Variants in COL27A1 observed in about 807,000 individuals in gnomAD.
COL27A1 encodes collagen type XXVII alpha 1 chain, also known as collagen alpha-1(XXVII) chain.
A neutral mutation model predicts 251.3 loss-of-function variants in COL27A1; 106 were observed. The observed-to-expected ratio is 0.42, with a 90% confidence interval of 0.36 to 0.50. The LOEUF (loss-of-function observed/expected upper bound fraction) is 0.50. Ranked by LOEUF, COL27A1 falls within the 20% of genes least tolerant of loss-of-function variation. The probability of loss-of-function intolerance (pLI) is 0.00; values close to 1 mark genes in which losing one functional copy is unlikely to be tolerated. For missense variants in COL27A1, 2,325 were observed against 2,522.8 expected, an observed-to-expected ratio of 0.92 and a Z score of 1.68; for synonymous variants, 1,000 against 986.3, an observed-to-expected ratio of 1.01 and a Z score of -0.26.
At chr9:114,300,510 AG>A (rs1315817565) in intron 50 of COL27A1, 114 bp from the exon 51 acceptor site, 20 of 739,694 alleles carry the variant, frequency 2.7e-5, no homozygotes, top group South Asian at 2.1e-4. Flanking sequence ...CTCTCAGGTA[AG>A]GCCTCTCTTG....
chr9:114,255,927 A>G (rs1833889878), intron 27 of COL27A1, among the ~76,000 whole-genome samples: 1 of 152,174 alleles, frequency 6.6e-6, no homozygotes, highest in African/African-American at 2.4e-5. Flanking sequence ...CCCCATCTGT[A>G]AGTCAGCATG....
intron 59 of COL27A1, among the ~76,000 whole-genome samples, chr9:114,308,305 T>G (rs1485382795): frequency 1.3e-5 from 2 of 152,216 alleles, no homozygotes; most frequent in African/African-American, 4.8e-5. Flanking sequence ...CAGTGGATTG[T>G]GGGTCTGTAG....
At chr9:114,281,655 T>C (rs1393338194) in intron 37 of COL27A1, among the ~76,000 whole-genome samples, 1 of 152,158 alleles carries the variant, frequency 6.6e-6, no homozygotes, top group African/African-American at 2.4e-5. Context: ...ATCTCAGAGA[T>C]AGGGAAGAAC....
intron 3 of COL27A1, among the ~76,000 whole-genome samples, chr9:114,174,412 G>A (rs946587895): frequency 5.3e-5 from 8 of 152,160 alleles, no homozygotes; most frequent in Admixed American, 2.0e-4. Context: ...TTGAGCAGGG[G>A]TCTCCTCACA....
chr9:114,231,171 A>C (rs1407598674), intron 15 of COL27A1, 39 bp downstream of exon 15: 3 of 1,597,446 alleles, frequency 1.9e-6, no homozygotes, highest in Non-Finnish European at 2.6e-6. Context: ...GCCTTGTCCA[A>C]GCTGGGCACC....
chr9:114,155,981 G>C lies in COL27A1; in HGVS notation c.31G>C (p.Gly11Arg). The change falls in exon 1 of 61, where the codon GGC becomes CGC. Residue 11 changes from glycine (G) to arginine (R), a missense_variant. Gly to Arg is a moderately radical substitution (Grantham distance 125, BLOSUM62 -2). This residue lies in a region of COL27A1 where 1,183 missense variants were observed against 1,144.1 expected (regional missense o/e 1.03). Transcript: ENST00000356083. This position sits in a 1 kb window ranked among gnomAD's most constrained non-coding sequence, Gnocchi z 5.5. MGAGSARGAR[G>R]TAAAAAARGG... is the part of the protein sequence containing the mutation. ...AGCGGGATCGGCGCGGGGGGCCCGA[G>C]GCACAGCGGCGGCGGCGGCGGCGCG... 1 of 1,294,720 alleles carries C rather than the reference G, an allele frequency of 7.7e-7. No individual in the cohort carries two copies. 80.2% of individuals were successfully genotyped at this position (1,294,720 alleles called of 1,614,324 possible).
intron 12 of COL27A1, among the ~76,000 whole-genome samples, chr9:114,211,481 T>C (rs1008039293): frequency 2.6e-5 from 4 of 152,254 alleles, no homozygotes; most frequent in African/African-American, 9.6e-5. Flanking sequence ...ATGGGGTTTA[T>C]GGGCAGTGCC....
At chr9:114,308,628 G>A (rs1249759) in intron 59 of COL27A1, among the ~76,000 whole-genome samples, 17,023 of 152,218 alleles carry the variant, frequency 0.11, 1,336 homozygotes, top group East Asian at 0.3. Flanking sequence ...CTGGTGACTC[G>A]AAGGTTTTGG....
chr9:114,249,658 C>T (rs552966801), intron 24 of COL27A1, among the ~76,000 whole-genome samples: 14 of 152,316 alleles, frequency 9.2e-5, no homozygotes, highest in East Asian at 5.8e-4. Flanking sequence ...CTGGGCCGGC[C>T]TTATTGACTG....
At chr9:114,293,585 T>G (rs1828065336) in intron 49 of COL27A1, among the ~76,000 whole-genome samples, 1 of 150,626 alleles carries the variant, frequency 6.6e-6, no homozygotes, top group South Asian at 2.1e-4. Flanking sequence ...AGTTAGCTTT[T>G]TGAGATCTGT....
intron 16 of COL27A1, among the ~76,000 whole-genome samples, chr9:114,233,564 G>A (rs553547970): frequency 3.9e-5 from 6 of 152,294 alleles, no homozygotes; most frequent in East Asian, 1.9e-4. Flanking sequence ...AGACATCAGC[G>A]CTCTGGAAAT....
chr9:114,236,942 C>T (rs375463273), intron 17 of COL27A1, 39 bp from the exon 18 acceptor site: 25 of 1,608,854 alleles, frequency 1.6e-5, no homozygotes, highest in Non-Finnish European at 1.8e-5. Flanking sequence ...GGCCATTTCT[C>T]TTCCTCACTA....
chr9:114,291,457 A>C (rs1827911267), intron 48 of COL27A1, among the ~76,000 whole-genome samples: 1 of 152,152 alleles, frequency 6.6e-6, no homozygotes, highest in Admixed American at 6.5e-5. Flanking sequence ...ATGAGAATAG[A>C]AGGGGAAAAG....
At chr9:114,282,850 G>T (rs569503225) in intron 39 of COL27A1, among the ~76,000 whole-genome samples, 10 of 152,334 alleles carry the variant, frequency 6.6e-5, no homozygotes, top group African/African-American at 2.4e-4. Context: ...AAATTAATAA[G>T]CCTTGTTATT....
intron 57 of COL27A1, 146 bp downstream of exon 57, chr9:114,304,819 G>A (rs1035510500): frequency 5.7e-6 from 4 of 696,328 alleles, no homozygotes; most frequent in Non-Finnish European, 9.8e-6. Context: ...ATCCACAAAT[G>A]GGGGTTTGTA....
At chr9:114,189,533 G>A (rs924700118) in intron 5 of COL27A1, among the ~76,000 whole-genome samples, 1 of 151,714 alleles carries the variant, frequency 6.6e-6, no homozygotes, top group Non-Finnish European at 1.5e-5. Flanking sequence ...AAAACGCTTG[G>A]GATTTTTACT....
At chr9:114,170,186 C>T (rs1205355833) in intron 3 of COL27A1, among the ~76,000 whole-genome samples, 1 of 152,174 alleles carries the variant, frequency 6.6e-6, no homozygotes, top group Admixed American at 6.5e-5. Flanking sequence ...CTGGCACCTG[C>T]AGGGGTTTGA....
intron 7 of COL27A1, among the ~76,000 whole-genome samples, chr9:114,202,957 A>G (rs911261315): frequency 1.3e-5 from 2 of 152,212 alleles, no homozygotes; most frequent in Non-Finnish European, 2.9e-5. Context: ...AATTGTGGTT[A>G]AAAAGCATAT....
chr9:114,231,188 C>T lies in COL27A1; in HGVS notation c.2520+56C>T, dbSNP rs566033412. 5 of 1,500,728 alleles carry T rather than the reference C, an allele frequency of 3.3e-6. 1 individual carries two copies. The South Asian group carries it at 4.6e-5, about 14-fold the overall frequency. The allele number at this position is 1,500,728 out of a possible 1,614,324, so 93.0% of individuals were successfully genotyped here. ...CTTGTCCAAGCTGGGCACCCCCGAC[C>T]CATTTCAGCCCAGAAGGAAGGGTGA... On this transcript the variant is annotated intron_variant, in intron 15 of 60. Transcript: ENST00000356083.
Sources: allele counts gnomAD v4.1 joint callset (sites outside exome capture counted in the v4.1 genomes callset), GRCh38; gene constraint gnomAD v4.1.1; regional missense constraint gnomAD v4.1.1; non-coding constraint Gnocchi (gnomAD v3.1); transcripts MANE v1.5; gene names NCBI Gene and HGNC (gene_info 2026-07-23, HGNC 2026-07-21).